SFTPA1: variants seen among roughly 807,000 people sequenced by gnomAD.
SFTPA1 encodes the protein pulmonary surfactant-associated protein A1.
Under a neutral mutation model 19.1 loss-of-function variants are expected in SFTPA1, and 13 were observed. That is an observed-to-expected ratio of 0.68 (90% CI 0.44 to 1.08). The LOEUF (loss-of-function observed/expected upper bound fraction) is 1.08. Ranked by LOEUF, SFTPA1 falls within the 50% of genes least tolerant of loss-of-function variation. The pLI, the probability that SFTPA1 is intolerant of heterozygous loss-of-function variation, is 0.00. For missense variants in SFTPA1, 259 were observed against 316.4 expected (o/e 0.82, Z 1.38); for synonymous variants, 101 against 117.0 (o/e 0.86, Z 0.88).
At position 79,614,072 on chromosome 10, in the gene SFTPA1, A is replaced by G. The variant is rs1860029088; in HGVS notation, c.706A>G (p.Arg236Gly). ...GTACACAGATGGGCAGTGGAATGAC[A>G]GGAACTGCCTGTACTCCCGACTGAC... ...EMYTDGQWND[R>G]NCLYSRLTIC... Residue 236 changes from arginine (R) to glycine (G), a missense_variant, in exon 6 of 6, where the codon AGG becomes GGG. Physicochemically the swap from Arg to Gly is moderately radical, Grantham distance 125 (BLOSUM62 -2). Transcript: ENST00000398636. The G allele has an allele frequency of 1.2e-6, 2 of 1,614,208 alleles. No homozygotes were observed. Among genetic ancestry groups the G allele is most frequent in the Non-Finnish European group, 1.7e-6 (2 of 1,180,016 alleles).
At chr10:79,613,662 G>T in intron 5 of SFTPA1, 75 bp from the exon 6 acceptor site, 1 of 1,611,022 alleles carries the variant, frequency 6.2e-7, no homozygotes, top group South Asian at 1.1e-5. Context: ...GAATCTGGTA[G>T]CAGAGACCCC....
chr10:79,614,153 C>A lies in SFTPA1; in HGVS notation c.*40C>A. The A allele has an allele frequency of 1.2e-6, 2 of 1,614,134 alleles. No individual in the cohort carries two copies. Among genetic ancestry groups the A allele is most frequent in the Non-Finnish European group, 1.7e-6 (2 of 1,179,996 alleles). On this transcript the variant is annotated 3_prime_UTR_variant, in exon 6 of 6. Coordinates refer to ENST00000398636, the MANE Select transcript of SFTPA1 (RefSeq NM_005411.5). ...ATGGGACAGGGAGGACGCTCTCTGG[C>A]CTTCGGCCTCCATCCTGAGGCTCCA... is the stretch of plus-strand genomic sequence containing the variant.
In SFTPA1 at chr10:79,614,756, T is replaced by C. The variant is rs1028187874; in HGVS notation, c.*643T>C. ...CGATTCACTCCTTTGAGTCTTTGAATGGCAACTCAGCCCCCTGACCTGAAG... is the reference window on the plus strand; with the variant it reads ...CGATTCACTCCTTTGAGTCTTTGAACGGCAACTCAGCCCCCTGACCTGAAG... On this transcript the variant is annotated 3_prime_UTR_variant, in exon 6 of 6. Coordinates refer to ENST00000398636, the MANE Select transcript of SFTPA1 (RefSeq NM_005411.5). The C allele has an allele frequency of 6.0e-6, 2 of 335,436 alleles. No homozygotes were observed. Among genetic ancestry groups the C allele is most frequent in the Non-Finnish European group, 1.2e-5 (2 of 164,170 alleles). The allele number at this position is 335,436 out of a possible 1,614,324, so 20.8% of individuals were successfully genotyped here.
In SFTPA1 at chr10:79,612,437, C is replaced by T. The variant is rs763130479; in HGVS notation, c.292+6C>T. 1.9e-6 allele frequency: 3 copies of T among 1,612,722 alleles called. No individual in the cohort carries two copies. The highest frequency in any genetic ancestry group is 3.3e-5 in the Admixed American group (2 of 59,938). On this transcript the variant is annotated splice_donor_region_variant and intron_variant, in intron 4 of 5. Transcript: ENST00000398636. ...TGGCGAGAGGGGCCCTCCAGGTGAGCAGGGTGGGGCAGGTGGGCAGTGGAA... is the reference window on the plus strand; with the variant it reads ...TGGCGAGAGGGGCCCTCCAGGTGAGTAGGGTGGGGCAGGTGGGCAGTGGAA...
intron 3 of SFTPA1, 68 bp from the exon 4 acceptor site, chr10:79,612,244 C>T (rs954646791): frequency 3.5e-5 from 56 of 1,612,968 alleles, no homozygotes; most frequent in South Asian, 4.4e-5. Flanking sequence ...TAATGGGCAT[C>T]GAGTCTCACT....
chr10:79,614,300 C>T lies in SFTPA1; in HGVS notation c.*187C>T. On this transcript the variant is annotated 3_prime_UTR_variant, in exon 6 of 6. Transcript: ENST00000398636. ...CCTGACTCTTCCCCATAATCACTGA[C>T]CAGCCTTGACACTCCCCTTGCAAAC... The T allele has an allele frequency of 1.1e-6, 1 of 910,368 alleles. No individual in the cohort carries two copies. Among genetic ancestry groups the T allele is most frequent in the Non-Finnish European group, 1.6e-6 (1 of 612,984 alleles). 56.4% of individuals were successfully genotyped at this position (910,368 alleles called of 1,614,324 possible).
At chr10:79,613,372 C>A in intron 5 of SFTPA1, 106 bp downstream of exon 5, 1 of 1,532,054 alleles carries the variant, frequency 6.5e-7, no homozygotes, top group Non-Finnish European at 9.0e-7. Flanking sequence ...CATGCACATG[C>A]AGGTCTTGGG....
intron 5 of SFTPA1, 50 bp downstream of exon 5, chr10:79,613,316 C>A (rs4253523): frequency 6.2e-7 from 1 of 1,610,408 alleles, no homozygotes; most frequent in South Asian, 1.1e-5. Flanking sequence ...CACAAATTCC[C>A]CTCATTCTCA....
Position 79,612,396 on chromosome 10 carries a change from G to T in SFTPA1, c.257G>T (p.Gly86Val), listed in dbSNP as rs1335192343. 1 of 1,613,872 alleles carries T rather than the reference G, an allele frequency of 6.2e-7. No homozygotes were observed. Among genetic ancestry groups the T allele is most frequent in the Non-Finnish European group, 8.5e-7 (1 of 1,179,864 alleles). ...GCCCCTGGTATCCCTGGAGAGTGTG[G>T]AGAGAAGGGGGAGCCTGGCGAGAGG... ...PGAPGIPGEC[G>V]EKGEPGERGP... Residue 86 changes from glycine to valine, a missense_variant, in exon 4 of 6, where the codon GGA becomes GTA. By Grantham distance (109) the Gly-to-Val change is moderately radical. Coordinates refer to ENST00000398636, the MANE Select transcript of SFTPA1 (RefSeq NM_005411.5).
chr10:79,613,408 A>C (rs1859984334), intron 5 of SFTPA1, 142 bp downstream of exon 5: 4 of 1,341,306 alleles, frequency 3.0e-6, no homozygotes, highest in Non-Finnish European at 4.2e-6. Context: ...TGCTTTTCTG[A>C]TGTCTTTGAA....
At chr10:79,611,576 C>T (rs889164388) in intron 2 of SFTPA1, 187 bp downstream of exon 2, 3 of 1,549,678 alleles carry the variant, frequency 1.9e-6, no homozygotes, top group Non-Finnish European at 2.6e-6. Context: ...TCCTCCTCCT[C>T]AGCAGCCTGG....
chr10:79,614,625 A>T lies in SFTPA1; in HGVS notation c.*512A>T, dbSNP rs1396311835. On this transcript the variant is annotated 3_prime_UTR_variant, in exon 6 of 6. Transcript: ENST00000398636. ...AAGGACACAGTGGAGATTCTCTGGCACTCTGAGGTCTCTGTGGCAGGCCTG... is the reference window on the plus strand; with the variant it reads ...AAGGACACAGTGGAGATTCTCTGGCTCTCTGAGGTCTCTGTGGCAGGCCTG... The T allele has an allele frequency of 1.6e-5, 4 of 248,150 alleles. No homozygotes were observed. In the East Asian group the frequency reaches 4.0e-4, roughly 25 times the overall value. The allele number at this position is 248,150 out of a possible 1,614,324, so 15.4% of individuals were successfully genotyped here. A position where few individuals can be genotyped will look rare whatever the true frequency, so the allele number is the denominator to read the frequency against.
At chr10:79,613,433 CAG>C (rs1859986213) in intron 5 of SFTPA1, among the ~76,000 whole-genome samples, 167 bp downstream of exon 5, 1 of 152,188 alleles carries the variant, frequency 6.6e-6, no homozygotes. Context: ...CCAGAGGAGA[CAG>C]AAGCAGACAC....
At position 79,615,026 on chromosome 10, in the gene SFTPA1, AT is replaced by A. The variant is rs763121640; in HGVS notation, c.*922del. On this transcript the variant is annotated 3_prime_UTR_variant, in exon 6 of 6. Transcript: ENST00000398636. Reference sequence around the variant, plus strand: ...GCAAGGTAATCAGTGACAGTTGAAGATTTTTTTTTCCCAGAGCTTATGTCTT... The same window carrying A: ...GCAAGGTAATCAGTGACAGTTGAAGATTTTTTTTCCCAGAGCTTATGTCTT... 63 of 1,302,382 alleles carry A rather than the reference AT, an allele frequency of 4.8e-5. No individual in the cohort carries two copies. The highest frequency in any genetic ancestry group is 2.1e-4 in the Middle Eastern group (1 of 4,718). The allele number at this position is 1,302,382 out of a possible 1,614,324, so 80.7% of individuals were successfully genotyped here. A position where few individuals can be genotyped will look rare whatever the true frequency, so the allele number is the denominator to read the frequency against.
rs4253520 is a variant in SFTPA1 at position 79,612,952 on chromosome 10, G to A, written c.293-237G>A. 0.84 allele frequency among the ~76,000 whole-genome samples: 126,150 copies of A among 149,630 alleles called. 53,245 individuals carry two copies. Among genetic ancestry groups the A allele is most frequent in the East Asian group, 0.96 (4,877 of 5,068 alleles). On this transcript the variant is annotated intron_variant, in intron 4 of 5. Transcript: ENST00000398636. ...CAGAACCCCTCGAGGGACAGAGCAG[G>A]AAAGAGGACAAGGGGTGGGGGTCTC...
At position 79,614,550 on chromosome 10, in the gene SFTPA1, A is replaced by G; in HGVS notation, c.*437A>G. On this transcript the variant is annotated 3_prime_UTR_variant, in exon 6 of 6. Coordinates refer to ENST00000398636, the MANE Select transcript of SFTPA1 (RefSeq NM_005411.5). Reference sequence around the variant, plus strand: ...TCAGGATGAGCAATCCTGGCCAAGCATAATGACAGAGAGAGGCAGACTTCG... The same window carrying G: ...TCAGGATGAGCAATCCTGGCCAAGCGTAATGACAGAGAGAGGCAGACTTCG... 1 of 205,168 alleles carries G rather than the reference A, an allele frequency of 4.9e-6. No individual in the cohort carries two copies. The highest frequency in any genetic ancestry group is 6.6e-5 in the South Asian group (1 of 15,046). 12.7% of individuals were successfully genotyped at this position (205,168 alleles called of 1,614,324 possible).
rs928345439 is a variant in SFTPA1, at chr10:79,614,317, C to T, written c.*204C>T. ...ATCACTGACCAGCCTTGACACTCCCCTTGCAAACTCTCCCAGCACTGCACC... is the reference window on the plus strand; with the variant it reads ...ATCACTGACCAGCCTTGACACTCCCTTTGCAAACTCTCCCAGCACTGCACC... On this transcript the variant is annotated 3_prime_UTR_variant, in exon 6 of 6. Coordinates refer to ENST00000398636, the MANE Select transcript of SFTPA1 (RefSeq NM_005411.5). 10 of 800,108 alleles carry T rather than the reference C, an allele frequency of 1.2e-5. No individual in the cohort carries two copies. Among genetic ancestry groups the T allele is most frequent in the Non-Finnish European group, 1.7e-5 (9 of 517,490 alleles). 49.6% of individuals were successfully genotyped at this position (800,108 alleles called of 1,614,324 possible).
chr10:79,613,428 G>A (rs1379828485), intron 5 of SFTPA1, among the ~76,000 whole-genome samples, 162 bp downstream of exon 5: 1 of 152,184 alleles, frequency 6.6e-6, no homozygotes, highest in East Asian at 1.9e-4. Context: ...ATGGCCCAGA[G>A]GAGACAGAAG....
In SFTPA1 at chr10:79,614,386, C is replaced by A. The variant is rs1059079; in HGVS notation, c.*273C>A. The A allele has an allele frequency of 1.1e-5, 6 of 559,176 alleles. No individual in the cohort carries two copies. Among genetic ancestry groups the A allele is most frequent in the African/African-American group, 7.5e-5 (4 of 53,160 alleles). 34.6% of individuals were successfully genotyped at this position (559,176 alleles called of 1,614,324 possible). A position where few individuals can be genotyped will look rare whatever the true frequency, so the allele number is the denominator to read the frequency against. ...CCTTGGCCTTCGACATGAGATGGAG[C>A]CCTCCTTATTCCCCATCTGGTCCAG... On this transcript the variant is annotated 3_prime_UTR_variant, in exon 6 of 6. Coordinates refer to ENST00000398636, the MANE Select transcript of SFTPA1 (RefSeq NM_005411.5).
Sources: allele counts gnomAD v4.1 joint callset (sites outside exome capture counted in the v4.1 genomes callset), GRCh38; gene constraint gnomAD v4.1.1; transcripts MANE v1.5; gene names NCBI Gene and HGNC (gene_info 2026-07-23, HGNC 2026-07-21).